OSBPL8: variants seen among roughly 807,000 people sequenced by gnomAD.
OSBPL8 encodes oxysterol-binding protein-related protein 8.
OSBPL8 carries 59 observed loss-of-function variants against 125.5 expected under a neutral mutation model. The observed-to-expected ratio is 0.47, with a 90% CI of 0.38 to 0.58. The LOEUF is 0.58. Among genes scored for constraint, OSBPL8 ranks in the 20% least tolerant of loss-of-function variants. The probability of loss-of-function intolerance (pLI) is 0.00; values close to 1 mark genes in which losing one functional copy is unlikely to be tolerated. For missense variants in OSBPL8, 758 were observed against 1,047.8 expected (o/e 0.72, Z 3.82); for synonymous variants, 330 against 338.9 (o/e 0.97, Z 0.29).
chr12:76,434,374 A>C (rs1344052403), intron 4 of OSBPL8, among the ~76,000 whole-genome samples: 1 of 152,210 alleles, frequency 6.6e-6, no homozygotes, highest in Non-Finnish European at 1.5e-5. Flanking sequence ...TAAAGACTTA[A>C]ATGTAAGAGC....
At chr12:76,408,898 T>C (rs1954389343) in intron 5 of OSBPL8, among the ~76,000 whole-genome samples, 2 of 152,160 alleles carry the variant, frequency 1.3e-5, no homozygotes, top group South Asian at 4.1e-4. Flanking sequence ...CTGTGGTATG[T>C]AGGTCTTTGT....
intron 1 of OSBPL8, among the ~76,000 whole-genome samples, chr12:76,556,086 T>C (rs1951088100): frequency 6.6e-6 from 1 of 152,208 alleles, no homozygotes; most frequent in Admixed American, 6.5e-5. Context: ...ATCCTTCCTT[T>C]ATCATTTCGC....
chr12:76,395,861 G>A (rs1953770025), intron 8 of OSBPL8, among the ~76,000 whole-genome samples: 1 of 151,794 alleles, frequency 6.6e-6, no homozygotes, highest in South Asian at 2.1e-4. Context: ...TTGCTTGTGG[G>A]AAGTATTTAT....
chr12:76,473,717 C>T (rs1043456743), intron 2 of OSBPL8, among the ~76,000 whole-genome samples: 3 of 152,198 alleles, frequency 2.0e-5, no homozygotes, highest in African/African-American at 4.8e-5. Context: ...CAATTTCATA[C>T]TGTGTTAACA....
intron 1 of OSBPL8, among the ~76,000 whole-genome samples, chr12:76,522,894 T>C (rs1950061903): frequency 6.6e-6 from 1 of 152,186 alleles, no homozygotes; most frequent in African/African-American, 2.4e-5. Context: ...GTCACCCAGA[T>C]TGGAGTGCAA....
rs142819125 is a variant in OSBPL8, at chr12:76,466,201, T to C, written c.43-6306A>G. On this transcript the variant is annotated intron_variant, in intron 2 of 23. Coordinates refer to ENST00000261183, the MANE Select transcript of OSBPL8 (RefSeq NM_020841.5). ...TAGGAGGTAGGATTTTACTTATATT[T>C]TTCTGTATTTTTTAAATATGGCATA... Among the ~76,000 whole-genome samples the C allele has an allele frequency of 5.7e-3, 868 of 152,284 alleles. 4 individuals are homozygous for C. Among genetic ancestry groups the C allele is most frequent in the Non-Finnish European group, 7.5e-3 (511 of 68,024 alleles).
chr12:76,378,635 GACATCT>G, intron 15 of OSBPL8, 85 bp from the exon 16 acceptor site: 1 of 881,540 alleles, frequency 1.1e-6, no homozygotes. Context: ...ACACCTACCA[GACATCT>G]ACAGTAGAAA....
intron 4 of OSBPL8, among the ~76,000 whole-genome samples, chr12:76,428,259 T>C (rs1001362867): frequency 6.6e-6 from 1 of 152,038 alleles, no homozygotes; most frequent in Non-Finnish European, 1.5e-5. Flanking sequence ...CTCTGAAATC[T>C]GCTAAATGCC....
At chr12:76,465,511 G>A (rs1391216561) in intron 2 of OSBPL8, among the ~76,000 whole-genome samples, 1 of 152,012 alleles carries the variant, frequency 6.6e-6, no homozygotes, top group African/African-American at 2.4e-5. Context: ...AGTGAGCCAA[G>A]ATCACGCCAC....
At chr12:76,422,586 G>C (rs746572591) in intron 4 of OSBPL8, 1 of 456,602 alleles carries the variant, frequency 2.2e-6, no homozygotes, top group African/African-American at 2.0e-5. Flanking sequence ...TCAATCCGGG[G>C]AGGAAATAAA....
chr12:76,397,345 G>C (rs1953852553), intron 8 of OSBPL8, among the ~76,000 whole-genome samples: 1 of 144,624 alleles, frequency 6.9e-6, no homozygotes, highest in African/African-American at 2.6e-5. Context: ...CAGGGGGTGG[G>C]GAGGGGGGGT....
intron 4 of OSBPL8, among the ~76,000 whole-genome samples, chr12:76,421,792 T>C (rs190470248): frequency 2.6e-5 from 4 of 152,170 alleles, no homozygotes; most frequent in African/African-American, 9.6e-5. Flanking sequence ...ATTCAAATAT[T>C]TGCTACAATT....
At chr12:76,384,050 T>A (rs1161192818) in intron 15 of OSBPL8, among the ~76,000 whole-genome samples, 2 of 152,234 alleles carry the variant, frequency 1.3e-5, no homozygotes, top group African/African-American at 2.4e-5. Flanking sequence ...AAGAAATGTT[T>A]GTGATATATT....
intron 2 of OSBPL8, among the ~76,000 whole-genome samples, chr12:76,473,538 C>G (rs74103473): frequency 3.5e-4 from 54 of 152,312 alleles, no homozygotes; most frequent in Middle Eastern, 3.4e-3. Context: ...AACTCACCCT[C>G]TGAGATTCTA....
intron 1 of OSBPL8, among the ~76,000 whole-genome samples, chr12:76,543,785 A>G (rs185025531): frequency 3.0e-4 from 46 of 152,318 alleles, no homozygotes; most frequent in South Asian, 4.1e-4. Context: ...ATTCACAAAA[A>G]GTTTAACTTA....
intron 4 of OSBPL8, among the ~76,000 whole-genome samples, chr12:76,431,190 A>G (rs1488200093): frequency 1.3e-5 from 2 of 152,062 alleles, no homozygotes; most frequent in Admixed American, 1.3e-4. Flanking sequence ...ATAGACTGCT[A>G]TAACTATAAA....
intron 22 of OSBPL8, among the ~76,000 whole-genome samples, chr12:76,357,652 A>G (rs1952035495): frequency 6.6e-6 from 1 of 152,206 alleles, no homozygotes; most frequent in Non-Finnish European, 1.5e-5. Context: ...CTAGATTGCT[A>G]TAATCCATTA....
intron 21 of OSBPL8, among the ~76,000 whole-genome samples, chr12:76,362,805 C>A (rs1044745643): frequency 1.3e-5 from 2 of 152,172 alleles, no homozygotes; most frequent in Admixed American, 6.5e-5. Flanking sequence ...CCCAAAATCT[C>A]CTTAAGCTGA....
chr12:76,466,618 A>G (rs1292017956), intron 2 of OSBPL8, among the ~76,000 whole-genome samples: 1 of 152,208 alleles, frequency 6.6e-6, no homozygotes, highest in African/African-American at 2.4e-5. Flanking sequence ...TTATTTTTCA[A>G]AAGGTGCAAT....
Sources: gnomAD v4.1 joint callset for allele counts (sites outside exome capture counted in the v4.1 genomes callset) on GRCh38, gnomAD v4.1.1 for gene constraint, MANE v1.5 for transcripts, NCBI Gene and HGNC (gene_info 2026-07-23, HGNC 2026-07-21) for gene names.